Variants in PPP2R3B observed in about 807,000 individuals in gnomAD.
PPP2R3B encodes serine/threonine-protein phosphatase 2A regulatory subunit B'' subunit beta.
In PPP2R3B, 68 loss-of-function variants were observed where a neutral mutation model predicts 72.9. The observed-to-expected ratio is 0.93, with a 90% CI of 0.77 to 1.14. The LOEUF is 1.14. PPP2R3B is among the 50% of genes most tolerant of loss of function. The probability of loss-of-function intolerance (pLI) is 0.00; values close to 1 mark genes in which losing one functional copy is unlikely to be tolerated. For missense variants in PPP2R3B, 1,018 were observed against 842.0 expected (o/e 1.21, Z -2.59); for synonymous variants, 466 against 375.8 (o/e 1.24, Z -2.78).
intron 2 of PPP2R3B, among the ~76,000 whole-genome samples, chrX:349,188 T>C (rs1310895957): frequency 4.6e-5 from 7 of 152,052 alleles, no homozygotes; most frequent in Admixed American, 1.3e-4. Context: ...TGGGGCCTCA[T>C]GAATGCGATG....
At position 364,518 on chromosome X, in the gene PPP2R3B, A is replaced by C. The variant is rs1208431080; in HGVS notation, c.325-2928T>G. Reference sequence around the variant, plus strand: ...ACTTCATCTCTACTAAAAAAAAAAAAAACAAAAAAAAAAAAACAGAAAACA... The same window carrying C: ...ACTTCATCTCTACTAAAAAAAAAAACAACAAAAAAAAAAAAACAGAAAACA... On this transcript the variant is annotated intron_variant, in intron 1 of 12. Coordinates refer to ENST00000390665, the MANE Select transcript of PPP2R3B (RefSeq NM_013239.5). Among the ~76,000 whole-genome samples, 16 of 110,290 alleles carry C rather than the reference A, an allele frequency of 1.5e-4. No homozygotes were observed. The South Asian group carries it at 2.5e-3, about 17-fold the overall frequency. The allele number at this position is 110,290 out of a possible 152,430, so 72.4% of individuals were successfully genotyped here.
chrX:386,470 C>T lies in PPP2R3B; in HGVS notation c.222G>A (p.Pro74=), dbSNP rs747401979. The change falls in exon 1 of 13, where the codon CCG becomes CCA. Residue 74 remains proline (P), a synonymous_variant. Transcript: ENST00000390665. ...GCGCAGGGCCCGGCCCGGGGGTTCC[C>T]GGGGGTTCGAGCCCGCTGGGCCGGG... ...AAPRPSGLEP[P]GTPGPGPALP... is the part of the protein sequence containing the mutation. 7.8e-7 allele frequency: 1 copy of T among 1,288,868 alleles called. No homozygotes were observed. Among genetic ancestry groups the T allele is most frequent in the Non-Finnish European group, 9.8e-7 (1 of 1,016,020 alleles). The allele number at this position is 1,288,868 out of a possible 1,614,324, so 79.8% of individuals were successfully genotyped here.
intron 12 of PPP2R3B, chrX:336,101 G>A (rs1309227099): frequency 6.6e-6 from 1 of 152,232 alleles, no homozygotes; most frequent in African/African-American, 2.4e-5. Flanking sequence ...CCAGCAGGTG[G>A]AGGGTGCAGT....
intron 7 of PPP2R3B, among the ~76,000 whole-genome samples, chrX:344,648 C>T (rs186244511): frequency 2.0e-5 from 3 of 152,354 alleles, no homozygotes; most frequent in African/African-American, 4.8e-5. Flanking sequence ...CCAGGCCACA[C>T]GGGCCGGCGC....
At chrX:381,456 G>A (rs1569419604) in intron 1 of PPP2R3B, among the ~76,000 whole-genome samples, 1 of 152,042 alleles carries the variant, frequency 6.6e-6, no homozygotes, top group Non-Finnish European at 1.5e-5. Context: ...AGAAAAAGCT[G>A]CTTTATTTAT....
At chrX:385,320 C>CTTTTTTTTTTTTTTT (rs1178231888) in intron 1 of PPP2R3B, among the ~76,000 whole-genome samples, 6 of 75,658 alleles carry the variant, frequency 7.9e-5, no homozygotes, top group East Asian at 4.2e-4. Flanking sequence ...TTTTAGTTTT[C>CTTTTTTTTTTTTTTT]TTTTTTTTTT....
intron 2 of PPP2R3B, among the ~76,000 whole-genome samples, chrX:360,171 C>G (rs6645209): frequency 0.62 from 94,398 of 151,934 alleles, 29,621 homozygotes; most frequent in African/African-American, 0.68. Context: ...CGGAATTTAT[C>G]CCAGGAATGC....
At position 386,485 on chromosome X, in the gene PPP2R3B, G is replaced by C; in HGVS notation, c.207C>G (p.Ser69Arg). ...CGGGGGTTCCCGGGGGTTCGAGCCC[G>C]CTGGGCCGGGGGGCGGCGAGCGGGG... is the stretch of plus-strand genomic sequence containing the variant. The part of the protein sequence containing the change: ...PTAPLAAPRP[S>R]GLEPPGTPGP... The change falls in exon 1 of 13, where the codon AGC becomes AGG. Residue 69 changes from serine to arginine, a missense_variant. By Grantham distance (110) the Ser-to-Arg change is moderately radical. Transcript: ENST00000390665. The C allele has an allele frequency of 1.6e-6, 2 of 1,280,264 alleles. No homozygotes were observed. Among genetic ancestry groups the C allele is most frequent in the Non-Finnish European group, 2.0e-6 (2 of 1,011,648 alleles). 79.3% of individuals were successfully genotyped at this position (1,280,264 alleles called of 1,614,324 possible). A position where few individuals can be genotyped will look rare whatever the true frequency, so the allele number is the denominator to read the frequency against.
At position 334,355 on chromosome X, in the gene PPP2R3B, T is replaced by C; in HGVS notation, c.*12A>G. 1 of 1,469,586 alleles carries C rather than the reference T, an allele frequency of 6.8e-7. No homozygotes were observed. The highest frequency in any genetic ancestry group is 1.7e-5 in the African/African-American group (1 of 58,122). 91.0% of individuals were successfully genotyped at this position (1,469,586 alleles called of 1,614,324 possible). A position where few individuals can be genotyped will look rare whatever the true frequency, so the allele number is the denominator to read the frequency against. On this transcript the variant is annotated 3_prime_UTR_variant, in exon 13 of 13. Transcript: ENST00000390665. ...GGGGAGCGGCCCCGCGGCGGCGTTC[T>C]CGCGGGCGGCGTCACAGCGGCTCCA...
intron 1 of PPP2R3B, among the ~76,000 whole-genome samples, chrX:384,155 T>C (rs2124431637): frequency 6.6e-6 from 1 of 152,218 alleles, no homozygotes; most frequent in Non-Finnish European, 1.5e-5. Context: ...GGTTATTCAC[T>C]AGAGACCTCT....
At chrX:346,554 G>A (rs1256278658) in intron 5 of PPP2R3B, 147 bp downstream of exon 5, 3 of 781,530 alleles carry the variant, frequency 3.8e-6, no homozygotes, top group East Asian at 5.6e-5. Context: ...CCGGGCGGGT[G>A]GAGACTCTCC....
In PPP2R3B at chrX:346,715, G is replaced by C. The variant is rs745317504; in HGVS notation, c.778C>G (p.Arg260Gly). ...TGGGGACCCACCGTGGTGATGTAGCGCGAGTGGAACTCGGACGCCTCCTTC... is the reference window on the plus strand; with the variant it reads ...TGGGGACCCACCGTGGTGATGTAGCCCGAGTGGAACTCGGACGCCTCCTTC... The part of the protein sequence containing the change: ...FLKEASEFHS[R>G]YITTVIQRIF... The change falls in exon 5 of 13, where the codon CGC becomes GGC. Residue 260 changes from arginine to glycine, a missense_variant. Transcript: ENST00000390665. 2 of 1,609,728 alleles carry C rather than the reference G, an allele frequency of 1.2e-6. No individual in the cohort carries two copies. The highest frequency in any genetic ancestry group is 1.7e-6 in the Non-Finnish European group (2 of 1,178,404).
At chrX:383,651 C>A (rs1162576069) in intron 1 of PPP2R3B, among the ~76,000 whole-genome samples, 1 of 151,614 alleles carries the variant, frequency 6.6e-6, no homozygotes, top group African/African-American at 2.4e-5. Context: ...TCCCGGCTAA[C>A]ACGGTGAAAC....
chrX:337,669 A>C (rs1404278820), intron 12 of PPP2R3B: 2 of 152,312 alleles, frequency 1.3e-5, no homozygotes, highest in Non-Finnish European at 2.9e-5. Flanking sequence ...TGGCCCCGAC[A>C]GTTCCACACG....
chrX:374,749 G>A (rs1184857443), intron 1 of PPP2R3B, among the ~76,000 whole-genome samples: 3 of 152,160 alleles, frequency 2.0e-5, no homozygotes, highest in African/African-American at 7.2e-5. Flanking sequence ...CTCCTTGGAC[G>A]GGTCACTATC....
chrX:344,375 TTGGG>T (rs2071150565), intron 7 of PPP2R3B, among the ~76,000 whole-genome samples: 1 of 152,136 alleles, frequency 6.6e-6, no homozygotes, highest in African/African-American at 2.4e-5. Context: ...CGCCGTCAGC[TTGGG>T]CCACGAGAAG....
intron 4 of PPP2R3B, 96 bp downstream of exon 4, chrX:347,138 G>A (rs1194026410): frequency 1.6e-5 from 19 of 1,180,404 alleles, no homozygotes; most frequent in Non-Finnish European, 2.0e-5. Flanking sequence ...GGGATGAGGC[G>A]TGTGGTGTAG....
chrX:338,355 C>T (rs1269313792), intron 12 of PPP2R3B: 3 of 597,222 alleles, frequency 5.0e-6, no homozygotes, highest in African/African-American at 1.9e-5. Flanking sequence ...AAGCCTCGCG[C>T]CCAGGATCAC....
intron 7 of PPP2R3B, among the ~76,000 whole-genome samples, chrX:343,083 T>G (rs868400401): frequency 0.026 from 141 of 5,512 alleles, 6 homozygotes; most frequent in African/African-American, 0.029. Context: ...GAGGCGGGAG[T>G]GAGACCTCGC....
Sources: gnomAD v4.1 joint callset for allele counts (sites outside exome capture counted in the v4.1 genomes callset) on GRCh38, gnomAD v4.1.1 for gene constraint, MANE v1.5 for transcripts, NCBI Gene and HGNC (gene_info 2026-07-23, HGNC 2026-07-21) for gene names.